SCFD2: variants seen among roughly 807,000 people sequenced by gnomAD.
SCFD2 encodes sec1 family domain-containing protein 2.
Under a neutral mutation model 58.9 loss-of-function variants are expected in SCFD2, and 54 were observed. That is an observed-to-expected ratio of 0.92 (90% CI 0.74 to 1.15). The LOEUF (loss-of-function observed/expected upper bound fraction) is 1.15. SCFD2 is among the 50% of genes most tolerant of loss of function. SCFD2 has a pLI of 0.00. For missense variants in SCFD2, 805 were observed against 836.6 expected (o/e 0.96, Z 0.47); for synonymous variants, 321 against 335.9 (o/e 0.96, Z 0.49).
intron 8 of SCFD2, among the ~76,000 whole-genome samples, chr4:52,877,569 A>G (rs139573619): frequency 3.7e-4 from 57 of 152,312 alleles, no homozygotes; most frequent in Non-Finnish European, 7.5e-4. Flanking sequence ...ACCCCACATG[A>G]TTATGTGAGG....
At chr4:53,197,976 G>A (rs1728110846) in intron 4 of SCFD2, among the ~76,000 whole-genome samples, 1 of 151,950 alleles carries the variant, frequency 6.6e-6, no homozygotes, top group Non-Finnish European at 1.5e-5. Flanking sequence ...TAGGAAATAT[G>A]GAAACTGAAA....
chr4:53,026,368 G>C (rs1323915082), intron 5 of SCFD2, among the ~76,000 whole-genome samples: 1 of 152,154 alleles, frequency 6.6e-6, no homozygotes, highest in Non-Finnish European at 1.5e-5. Flanking sequence ...TGCTTCCGAC[G>C]CCTAGCACAA....
intron 5 of SCFD2, among the ~76,000 whole-genome samples, chr4:52,994,103 C>T (rs1721686947): frequency 6.6e-6 from 1 of 152,166 alleles, no homozygotes; most frequent in African/African-American, 2.4e-5. Context: ...CTCAGGCCAG[C>T]AGTTCCTCTG....
At chr4:53,216,873 A>G (rs1464818949) in intron 4 of SCFD2, among the ~76,000 whole-genome samples, 1 of 152,182 alleles carries the variant, frequency 6.6e-6, no homozygotes, top group African/African-American at 2.4e-5. Context: ...TTTCAAAAAC[A>G]TCTTTATTTC....
At chr4:53,074,839 A>AC (rs1031458398) in intron 5 of SCFD2, among the ~76,000 whole-genome samples, 5 of 152,320 alleles carry the variant, frequency 3.3e-5, no homozygotes, top group Non-Finnish European at 7.3e-5. Context: ...CACAGGCAGA[A>AC]AAGATTTAGC....
intron 1 of SCFD2, among the ~76,000 whole-genome samples, chr4:53,359,695 TGTA>T: frequency 6.6e-6 from 1 of 152,202 alleles, no homozygotes; most frequent in African/African-American, 2.4e-5. Flanking sequence ...ACCAAACTCT[TGTA>T]ACAACTACTC....
intron 5 of SCFD2, among the ~76,000 whole-genome samples, chr4:52,982,587 T>C (rs972566009): frequency 4.6e-5 from 7 of 152,222 alleles, no homozygotes; most frequent in Non-Finnish European, 1.5e-5. Context: ...TTCCTATTGA[T>C]AGCTTATTGT....
intron 5 of SCFD2, among the ~76,000 whole-genome samples, chr4:53,102,836 G>A (rs917438954): frequency 6.6e-5 from 10 of 151,530 alleles, no homozygotes; most frequent in African/African-American, 2.4e-4. Flanking sequence ...GAACCAGCTT[G>A]CAGGAGCTCT....
At chr4:53,124,122 G>A (rs1321513586) in intron 5 of SCFD2, among the ~76,000 whole-genome samples, 1 of 152,162 alleles carries the variant, frequency 6.6e-6, no homozygotes, top group Non-Finnish European at 1.5e-5. Flanking sequence ...TAGACTATGA[G>A]ACCAGTGAGC....
At chr4:52,915,468 T>C (rs1413955599) in intron 6 of SCFD2, among the ~76,000 whole-genome samples, 1 of 152,206 alleles carries the variant, frequency 6.6e-6, no homozygotes, top group Non-Finnish European at 1.5e-5. Context: ...CTTTGACTAA[T>C]CCATGGCTCA....
At chr4:53,145,683 A>C in intron 4 of SCFD2, 101 bp from the exon 5 acceptor site, 3 of 1,024,434 alleles carry the variant, frequency 2.9e-6, no homozygotes, top group Non-Finnish European at 4.3e-6. Context: ...TCTGTATATG[A>C]TATTTACTGA....
chr4:53,211,259 C>CT (rs1728602521), intron 4 of SCFD2, among the ~76,000 whole-genome samples: 1 of 122,998 alleles, frequency 8.1e-6, no homozygotes, highest in African/African-American at 2.9e-5. Context: ...AAAAAAAATC[C>CT]AAGAGAACTG....
intron 7 of SCFD2, among the ~76,000 whole-genome samples, chr4:52,895,512 T>A (rs1323218048): frequency 6.6e-6 from 1 of 152,206 alleles, no homozygotes; most frequent in African/African-American, 2.4e-5. Flanking sequence ...CATCCTTTTT[T>A]ATGGCTGCAT....
chr4:52,934,377 T>C (rs978622335), intron 5 of SCFD2, among the ~76,000 whole-genome samples: 3 of 152,214 alleles, frequency 2.0e-5, no homozygotes, highest in Non-Finnish European at 4.4e-5. Flanking sequence ...GCATCTCATG[T>C]AGGGTCAAGC....
intron 5 of SCFD2, among the ~76,000 whole-genome samples, chr4:53,126,539 C>G (rs571760438): frequency 6.6e-6 from 1 of 152,304 alleles, no homozygotes; most frequent in East Asian, 1.9e-4. Context: ...TGGCCTCCAA[C>G]TCCTGGCTTT....
chr4:53,011,420 G>T (rs1196428287), intron 5 of SCFD2, among the ~76,000 whole-genome samples: 1 of 152,134 alleles, frequency 6.6e-6, no homozygotes, highest in Non-Finnish European at 1.5e-5. Flanking sequence ...GTGAGAAGAA[G>T]GACTTGATTA....
chr4:53,326,285 G>A (rs1055262591), intron 2 of SCFD2, among the ~76,000 whole-genome samples: 2 of 152,082 alleles, frequency 1.3e-5, no homozygotes, highest in African/African-American at 4.8e-5. Context: ...TGGGACAACA[G>A]GCGCATGCCC....
At chr4:53,239,559 A>G (rs1219152135) in intron 4 of SCFD2, among the ~76,000 whole-genome samples, 1 of 152,184 alleles carries the variant, frequency 6.6e-6, no homozygotes, top group Admixed American at 6.5e-5. Context: ...ATCTCAGCTC[A>G]CCGCAACCTC....
intron 5 of SCFD2, among the ~76,000 whole-genome samples, chr4:52,961,979 G>A (rs1720862622): frequency 6.6e-6 from 1 of 152,200 alleles, no homozygotes; most frequent in Non-Finnish European, 1.5e-5. Context: ...ACCCCACGTT[G>A]GTGACTGCTT....
Sources: allele counts gnomAD v4.1 joint callset (sites outside exome capture counted in the v4.1 genomes callset), GRCh38; gene constraint gnomAD v4.1.1; transcripts MANE v1.5; gene names NCBI Gene and HGNC (gene_info 2026-07-23, HGNC 2026-07-21).